The following COL23A1 variants were observed in gnomAD, a reference collection of about 807,000 sequenced individuals.
The protein encoded by COL23A1 is collagen alpha-1(XXIII) chain.
In COL23A1, 97 loss-of-function variants were observed where a neutral mutation model predicts 99.3. The observed-to-expected ratio is 0.98, with a 90% CI of 0.83 to 1.16. The LOEUF is 1.16. Ranked by LOEUF, COL23A1 falls within the 50% of genes most tolerant of loss-of-function variation. COL23A1 has a pLI of 0.00. For missense variants in COL23A1, 762 were observed against 757.4 expected (o/e 1.01, Z -0.07); for synonymous variants, 320 against 308.2 (o/e 1.04, Z -0.40).
At chr5:178,345,122 G>C in intron 2 of COL23A1, 1 of 603,032 alleles carries the variant, frequency 1.7e-6, no homozygotes, top group Non-Finnish European at 3.2e-6. Flanking sequence ...CCAGGAAGAT[G>C]GTCATCTAAA....
chr5:178,469,326 C>T (rs146799111), intron 2 of COL23A1, among the ~76,000 whole-genome samples: 8 of 152,286 alleles, frequency 5.3e-5, no homozygotes, highest in South Asian at 4.1e-4. Context: ...TGGGACACTG[C>T]GCAGTGAGCA....
intron 2 of COL23A1, among the ~76,000 whole-genome samples, chr5:178,510,222 G>A (rs896193987): frequency 8.5e-5 from 13 of 152,156 alleles, no homozygotes; most frequent in African/African-American, 2.9e-4. Flanking sequence ...GCACTCACAC[G>A]CTGCAGTTAA....
chr5:178,589,807 C>T lies in COL23A1; in HGVS notation c.294+97G>A. ...CGCACGCAGCCGGCGGGCGACCCTC[C>T]TCCCAGAGACCTGCACGCTGCCCCC... On this transcript the variant is annotated intron_variant, in intron 1 of 28. Coordinates refer to ENST00000390654, the MANE Select transcript of COL23A1 (RefSeq NM_173465.4). The surrounding 1 kb of genome is among the most constrained non-coding windows in gnomAD (Gnocchi z 5.4). 1 of 1,142,256 alleles carries T rather than the reference C, an allele frequency of 8.8e-7. No homozygotes were observed. Among genetic ancestry groups the T allele is most frequent in the Non-Finnish European group, 1.1e-6 (1 of 909,718 alleles). The allele number at this position is 1,142,256 out of a possible 1,614,324, so 70.8% of individuals were successfully genotyped here. A position where few individuals can be genotyped will look rare whatever the true frequency, so the allele number is the denominator to read the frequency against.
chr5:178,571,291 G>A (rs560829745), intron 1 of COL23A1, among the ~76,000 whole-genome samples: 1 of 152,264 alleles, frequency 6.6e-6, no homozygotes, highest in African/African-American at 2.4e-5. Context: ...GAACCCGGGA[G>A]ACAGAGGTTG....
chr5:178,550,161 AGCT>A, intron 2 of COL23A1, among the ~76,000 whole-genome samples: 1 of 152,302 alleles, frequency 6.6e-6, no homozygotes, highest in South Asian at 2.1e-4. Context: ...TATCTGTGAG[AGCT>A]GATCTGAGTT....
At chr5:178,326,418 A>AAAT (rs1759664769) in intron 2 of COL23A1, among the ~76,000 whole-genome samples, 1 of 151,758 alleles carries the variant, frequency 6.6e-6, no homozygotes, top group Non-Finnish European at 1.5e-5. Context: ...AACATTTAAA[A>AAAT]AAAAAAAAAG....
intron 2 of COL23A1, among the ~76,000 whole-genome samples, chr5:178,512,206 T>G (rs2546646): frequency 0.82 from 124,187 of 152,188 alleles, 50,811 homozygotes; most frequent in East Asian, 0.95. Context: ...TTTGGCACAC[T>G]CTTTCAATGG....
At chr5:178,553,774 C>T (rs1004825299) in intron 2 of COL23A1, among the ~76,000 whole-genome samples, 24 of 152,184 alleles carry the variant, frequency 1.6e-4, no homozygotes, top group Admixed American at 8.5e-4. Flanking sequence ...TTCATACCCA[C>T]GTCCTAGAAG....
At chr5:178,535,724 G>A (rs574428195) in intron 2 of COL23A1, among the ~76,000 whole-genome samples, 3 of 152,380 alleles carry the variant, frequency 2.0e-5, no homozygotes, top group Admixed American at 6.5e-5. Context: ...GAAGGGCGCC[G>A]TGTGCCCAGC....
intron 2 of COL23A1, among the ~76,000 whole-genome samples, chr5:178,427,077 G>A (rs984490779): frequency 3.9e-5 from 6 of 152,234 alleles, no homozygotes; most frequent in African/African-American, 7.2e-5. Context: ...GTGGGCACCT[G>A]TAATCCCAGG....
At chr5:178,339,324 C>T (rs1332739135) in intron 2 of COL23A1, among the ~76,000 whole-genome samples, 2 of 152,210 alleles carry the variant, frequency 1.3e-5, no homozygotes, top group Non-Finnish European at 2.9e-5. Flanking sequence ...CTCAAGCCTC[C>T]GCCATCCTGA....
intron 1 of COL23A1, chr5:178,561,999 A>C: frequency 4.2e-6 from 2 of 479,242 alleles, no homozygotes; most frequent in Non-Finnish European, 8.2e-6. Flanking sequence ...CAGAGAGCGA[A>C]GCAGATCCTA....
chr5:178,522,594 G>T (rs758299638), intron 2 of COL23A1, among the ~76,000 whole-genome samples: 1 of 152,134 alleles, frequency 6.6e-6, no homozygotes. Flanking sequence ...GAAGCAAGGG[G>T]GTCACTGGAG....
At position 178,383,059 on chromosome 5, in the gene COL23A1, G is replaced by T. The variant is rs1763470667; in HGVS notation, c.362-76140C>A. Among the ~76,000 whole-genome samples the T allele has an allele frequency of 2.0e-5, 3 of 152,140 alleles. 1 individual carries two copies. The South Asian group carries it at 6.2e-4, about 32-fold the overall frequency. On this transcript the variant is annotated intron_variant, in intron 2 of 28. Coordinates refer to ENST00000390654, the MANE Select transcript of COL23A1 (RefSeq NM_173465.4). ...CCAGGGGGTGTCTGTGATCAGGGCT[G>T]GGGGCTGCTGGTGCATGGTTCCCGG... is the stretch of plus-strand genomic sequence containing the variant.
intron 3 of COL23A1, among the ~76,000 whole-genome samples, chr5:178,301,565 T>C (rs981878374): frequency 1.3e-5 from 2 of 152,250 alleles, no homozygotes; most frequent in Non-Finnish European, 2.9e-5. Flanking sequence ...ATCCCTCTTC[T>C]CCTTTCCAGG....
chr5:178,549,059 G>A (rs1380666393), intron 2 of COL23A1, among the ~76,000 whole-genome samples: 4 of 151,996 alleles, frequency 2.6e-5, no homozygotes, highest in African/African-American at 9.7e-5. Flanking sequence ...GCAATGGCAC[G>A]ATCTCGGCTC....
At chr5:178,289,007 C>T (rs979689887) in intron 4 of COL23A1, among the ~76,000 whole-genome samples, 2 of 152,090 alleles carry the variant, frequency 1.3e-5, no homozygotes, top group African/African-American at 2.4e-5. Context: ...CTATAGCCCC[C>T]GGCGTTAGGT....
intron 2 of COL23A1, among the ~76,000 whole-genome samples, chr5:178,487,025 T>C (rs1581484768): frequency 6.6e-6 from 1 of 152,170 alleles, no homozygotes; most frequent in African/African-American, 2.4e-5. Flanking sequence ...CATTCCAGAA[T>C]CAACCTACAC....
chr5:178,436,944 C>G (rs1055794495), intron 2 of COL23A1, among the ~76,000 whole-genome samples: 1 of 152,206 alleles, frequency 6.6e-6, no homozygotes, highest in African/African-American at 2.4e-5. Context: ...ATTGACAGAA[C>G]GCATTCAGAG....
Sources: gnomAD v4.1 joint callset for allele counts (sites outside exome capture counted in the v4.1 genomes callset) on GRCh38, gnomAD v4.1.1 for gene constraint, Gnocchi (gnomAD v3.1) non-coding constraint, MANE v1.5 for transcripts, NCBI Gene and HGNC (gene_info 2026-07-23, HGNC 2026-07-21) for gene names.